HACE1: variants seen among roughly 807,000 people sequenced by gnomAD.
HACE1 encodes E3 ubiquitin-protein ligase HACE1.
In HACE1, 73 loss-of-function variants were observed where a neutral mutation model predicts 118.4. That is an observed-to-expected ratio of 0.62 (90% CI 0.51 to 0.75). HACE1 has a LOEUF of 0.75. Among genes scored for constraint, HACE1 ranks in the 30% least tolerant of loss-of-function variants. The pLI, the probability that HACE1 is intolerant of heterozygous loss-of-function variation, is 0.00. For synonymous variants in HACE1, 368 were observed against 374.8 expected, an observed-to-expected ratio of 0.98 and a Z score of 0.21; for missense variants, 749 against 1,102.2, an observed-to-expected ratio of 0.68 and a Z score of 4.54.
chr6:104,857,311 C>A (rs1022162697), intron 1 of HACE1, among the ~76,000 whole-genome samples: 3 of 151,180 alleles, frequency 2.0e-5, no homozygotes, highest in South Asian at 4.2e-4. Flanking sequence ...ATTCAAGGAA[C>A]AAAATGAACA....
At chr6:104,784,257 A>G (rs1262830696) in intron 13 of HACE1, 84 bp from the exon 14 acceptor site, 4 of 894,832 alleles carry the variant, frequency 4.5e-6, no homozygotes, top group Admixed American at 1.7e-5. Flanking sequence ...CTGACACTGA[A>G]ACAGAAGAAA....
chr6:104,756,309 G>A (rs1778632999), intron 19 of HACE1, among the ~76,000 whole-genome samples: 1 of 151,380 alleles, frequency 6.6e-6, no homozygotes, highest in Non-Finnish European at 1.5e-5. Flanking sequence ...CTACTCAGGA[G>A]GCTGAGGCAG....
chr6:104,750,096 T>C (rs1369686449), intron 20 of HACE1, among the ~76,000 whole-genome samples: 1 of 152,132 alleles, frequency 6.6e-6, no homozygotes, highest in Non-Finnish European at 1.5e-5. Context: ...AACAGGAATA[T>C]ATTCCATTTT....
intron 14 of HACE1, among the ~76,000 whole-genome samples, chr6:104,778,717 T>C (rs1049829896): frequency 2.0e-5 from 3 of 151,942 alleles, no homozygotes; most frequent in African/African-American, 7.3e-5. Flanking sequence ...GGGAGAAAAC[T>C]TTAACCCAGG....
At chr6:104,753,375 C>T (rs1032403466) in intron 19 of HACE1, among the ~76,000 whole-genome samples, 4 of 152,192 alleles carry the variant, frequency 2.6e-5, no homozygotes, top group Non-Finnish European at 5.9e-5. Flanking sequence ...AGCACATGTG[C>T]TCTACCAAAA....
chr6:104,825,465 A>C (rs1384232324), intron 6 of HACE1, among the ~76,000 whole-genome samples: 1 of 151,778 alleles, frequency 6.6e-6, no homozygotes, highest in East Asian at 1.9e-4. Context: ...AACCAATCAG[A>C]CTAACTGAAG....
chr6:104,752,306 A>C (rs1323323001), intron 19 of HACE1, among the ~76,000 whole-genome samples: 3 of 152,108 alleles, frequency 2.0e-5, no homozygotes, highest in Non-Finnish European at 2.9e-5. Context: ...ACATACACTA[A>C]ATTTCTGGAG....
intron 7 of HACE1, among the ~76,000 whole-genome samples, chr6:104,799,500 T>C (rs769076273): frequency 6.6e-6 from 1 of 152,214 alleles, no homozygotes; most frequent in Non-Finnish European, 1.5e-5. Context: ...TGTTTTTCAT[T>C]TAAATAAACT....
At chr6:104,781,714 A>G (rs1182400788) in intron 14 of HACE1, among the ~76,000 whole-genome samples, 1 of 152,024 alleles carries the variant, frequency 6.6e-6, no homozygotes, top group Non-Finnish European at 1.5e-5. Flanking sequence ...AGCACTGATC[A>G]GCTGCAACCA....
intron 17 of HACE1, among the ~76,000 whole-genome samples, chr6:104,775,031 G>A (rs974453688): frequency 2.0e-5 from 3 of 151,998 alleles, no homozygotes; most frequent in African/African-American, 7.2e-5. Context: ...GACTGATATG[G>A]CTTACAAAAA....
At chr6:104,745,066 T>C (rs1441848111) in intron 20 of HACE1, among the ~76,000 whole-genome samples, 2 of 152,128 alleles carry the variant, frequency 1.3e-5, no homozygotes, top group Non-Finnish European at 2.9e-5. Context: ...AAGAAATCAT[T>C]ATCATGAGGA....
chr6:104,809,296 T>C (rs920873021), intron 7 of HACE1, among the ~76,000 whole-genome samples: 5 of 152,080 alleles, frequency 3.3e-5, no homozygotes, highest in Non-Finnish European at 7.4e-5. Flanking sequence ...ATGAAGGAAA[T>C]GACTGTGATA....
chr6:104,739,144 GC>G (rs1476534820), intron 22 of HACE1, among the ~76,000 whole-genome samples: 1 of 152,052 alleles, frequency 6.6e-6, no homozygotes, highest in Non-Finnish European at 1.5e-5. Flanking sequence ...CACCAGGCCT[GC>G]CCTAAAAGAG....
At chr6:104,859,060 T>G (rs1777033488) in intron 1 of HACE1, among the ~76,000 whole-genome samples, 1 of 152,214 alleles carries the variant, frequency 6.6e-6, no homozygotes, top group Non-Finnish European at 1.5e-5. Flanking sequence ...TAAGAGTACC[T>G]GTTTGATGTT....
chr6:104,811,535 T>C (rs1026501404), intron 6 of HACE1, 142 bp from the exon 7 acceptor site: 17 of 579,370 alleles, frequency 2.9e-5, no homozygotes, highest in Non-Finnish European at 5.3e-5. Flanking sequence ...TGACAATTAC[T>C]ATGGCTGAGC....
intron 11 of HACE1, among the ~76,000 whole-genome samples, chr6:104,789,258 C>A (rs2046469917): frequency 3.3e-5 from 5 of 152,040 alleles, no homozygotes; most frequent in South Asian, 2.1e-4. Flanking sequence ...CTAATAAATT[C>A]TTTAACAGTT....
intron 1 of HACE1, among the ~76,000 whole-genome samples, chr6:104,854,670 C>G (rs1776551009): frequency 6.6e-6 from 1 of 151,282 alleles, no homozygotes; most frequent in Non-Finnish European, 1.5e-5. Flanking sequence ...TGTATATGGA[C>G]TTGGTATTTT....
At chr6:104,753,132 C>T (rs1253906941) in intron 19 of HACE1, among the ~76,000 whole-genome samples, 2 of 152,156 alleles carry the variant, frequency 1.3e-5, no homozygotes, top group African/African-American at 4.8e-5. Flanking sequence ...CTTGACAATA[C>T]AAATTTTACT....
intron 19 of HACE1, among the ~76,000 whole-genome samples, 169 bp downstream of exon 19, chr6:104,771,020 CCTTT>C (rs1303783856): frequency 6.6e-6 from 1 of 152,156 alleles, no homozygotes; most frequent in African/African-American, 2.4e-5. Flanking sequence ...TCAAAATAAT[CCTTT>C]CTAATTCAAA....
Sources: gnomAD v4.1 joint callset for allele counts (sites outside exome capture counted in the v4.1 genomes callset) on GRCh38, gnomAD v4.1.1 for gene constraint, MANE v1.5 for transcripts, NCBI Gene and HGNC (gene_info 2026-07-23, HGNC 2026-07-21) for gene names.